SI: variants seen among roughly 807,000 people sequenced by gnomAD.
SI encodes the protein sucrase-isomaltase, intestinal.
Under a neutral mutation model 253.3 loss-of-function variants are expected in SI, and 235 were observed. The observed-to-expected ratio is 0.93, with a 90% CI of 0.83 to 1.03. The LOEUF (loss-of-function observed/expected upper bound fraction) is 1.03. SI is among the 50% of genes least tolerant of loss of function. SI has a pLI of 0.00. For synonymous variants in SI, 819 were observed against 712.0 expected (o/e 1.15, Z -2.39); for missense variants, 2,442 against 2,211.1 (o/e 1.10, Z -2.09).
In SI at chr3:165,065,464, AATATAT is replaced by A. The variant is rs66946322; in HGVS notation, c.636-38_636-33del. 1.1e-3 allele frequency: 229 copies of A among 209,642 alleles called. 13 individuals are homozygous for A. The highest frequency in any genetic ancestry group is 6.4e-3 in the African/African-American group (151 of 23,640). 13.0% of individuals were successfully genotyped at this position (209,642 alleles called of 1,614,324 possible). A position where few individuals can be genotyped will look rare whatever the true frequency, so the allele number is the denominator to read the frequency against. On this transcript the variant is annotated intron_variant, in intron 6 of 47. Coordinates refer to ENST00000264382, the MANE Select transcript of SI (RefSeq NM_001041.4). ...CATAAAAGAAATAAAGAAATAATCT[AATATAT>A]ATATATATATATATATATATATATG...
At chr3:165,000,090 T>C (rs1718191047) in intron 37 of SI, among the ~76,000 whole-genome samples, 1 of 151,130 alleles carries the variant, frequency 6.6e-6, no homozygotes, top group Admixed American at 6.6e-5. Context: ...TATATGAAAA[T>C]GTATTTTTGG....
At chr3:165,003,115 T>C (rs1718333494) in intron 37 of SI, among the ~76,000 whole-genome samples, 1 of 151,876 alleles carries the variant, frequency 6.6e-6, no homozygotes, top group Admixed American at 6.6e-5. Flanking sequence ...TACCTGTGAT[T>C]ATAACAGGAT....
In SI at chr3:165,038,038, G is replaced by T. The variant is rs1712621771; in HGVS notation, c.2302-14C>A. Reference sequence around the variant, plus strand: ...CCTTTTTGCACCCTAATAATTGGAAGATTAAAAACATTCTTAATATTATTG... The same window carrying T: ...CCTTTTTGCACCCTAATAATTGGAATATTAAAAACATTCTTAATATTATTG... On this transcript the variant is annotated splice_polypyrimidine_tract_variant and intron_variant, in intron 20 of 47. Coordinates refer to ENST00000264382, the MANE Select transcript of SI (RefSeq NM_001041.4). The T allele has an allele frequency of 6.3e-7, 1 of 1,574,994 alleles. No individual in the cohort carries two copies. Among genetic ancestry groups the T allele is most frequent in the African/African-American group, 1.3e-5 (1 of 74,106 alleles).
chr3:164,991,917 A>G (rs1237382228), intron 43 of SI, among the ~76,000 whole-genome samples: 1 of 152,068 alleles, frequency 6.6e-6, no homozygotes, highest in Non-Finnish European at 1.5e-5. Context: ...ATAAAAGACA[A>G]TTATCTTTTT....
At chr3:165,046,396 T>C (rs1713116553) in intron 16 of SI, among the ~76,000 whole-genome samples, 1 of 97,734 alleles carries the variant, frequency 1.0e-5, no homozygotes, top group African/African-American at 3.2e-5. Context: ...TTTGAAATTT[T>C]AAACGTTTTT....
At chr3:164,991,188 A>G (rs1717717265) in intron 44 of SI, among the ~76,000 whole-genome samples, 165 bp downstream of exon 44, 2 of 152,126 alleles carry the variant, frequency 1.3e-5, no homozygotes, top group Admixed American at 6.6e-5. Flanking sequence ...TTGCTATGCT[A>G]TAAACCACAA....
chr3:164,987,705 C>T (rs1186554478), intron 44 of SI, among the ~76,000 whole-genome samples: 1 of 149,010 alleles, frequency 6.7e-6, no homozygotes, highest in Middle Eastern at 3.4e-3. Flanking sequence ...AAGACTCCAT[C>T]AAAAAAAAAA....
intron 44 of SI, among the ~76,000 whole-genome samples, chr3:164,990,002 T>C (rs1576869714): frequency 6.6e-6 from 1 of 152,104 alleles, no homozygotes; most frequent in African/African-American, 2.4e-5. Context: ...TGGATGCGGG[T>C]CATCATACAT....
intron 5 of SI, among the ~76,000 whole-genome samples, chr3:165,067,907 T>C (rs759508537): frequency 1.3e-5 from 2 of 151,838 alleles, no homozygotes; most frequent in African/African-American, 4.8e-5. Context: ...AAAAAAATTA[T>C]AGAAACTAAA....
At chr3:164,987,769 T>C (rs1272713140) in intron 44 of SI, among the ~76,000 whole-genome samples, 1 of 152,182 alleles carries the variant, frequency 6.6e-6, no homozygotes, top group Non-Finnish European at 1.5e-5. Flanking sequence ...CAAGGTTTCA[T>C]GTAATGTAAC....
chr3:165,038,555 T>C (rs1243024640), intron 20 of SI, among the ~76,000 whole-genome samples: 5 of 74,446 alleles, frequency 6.7e-5, no homozygotes, highest in African/African-American at 1.8e-4. Flanking sequence ...TAAAAAAAAA[T>C]TCAAAAAAAA....
chr3:165,014,835 C>G (rs900081335), intron 33 of SI, among the ~76,000 whole-genome samples: 3 of 151,876 alleles, frequency 2.0e-5, no homozygotes, highest in African/African-American at 7.3e-5. Flanking sequence ...TAATGAGTAG[C>G]CATCTTACTA....
intron 3 of SI, among the ~76,000 whole-genome samples, chr3:165,073,649 T>A (rs546919832): frequency 6.6e-6 from 1 of 152,068 alleles, no homozygotes; most frequent in Non-Finnish European, 1.5e-5. Context: ...AAAATGTCAA[T>A]ATATAGAGTC....
chr3:165,012,115 T>G (rs1718800494), intron 34 of SI, among the ~76,000 whole-genome samples: 1 of 152,176 alleles, frequency 6.6e-6, no homozygotes, highest in South Asian at 2.1e-4. Flanking sequence ...GTTTAGGATG[T>G]TATACTGAGT....
chr3:165,082,862 T>C (rs1009110551), upstream of SI, among the ~76,000 whole-genome samples: 1 of 151,992 alleles, frequency 6.6e-6, no homozygotes. Context: ...GGTCTCTTAG[T>C]AACAGGAAGT....
chr3:165,043,000 C>T (rs549453447), intron 17 of SI, 59 bp downstream of exon 17: 1 of 985,506 alleles, frequency 1.0e-6, no homozygotes, highest in African/African-American at 1.6e-5. Context: ...AATTTAAGTA[C>T]ATTAATAAAA....
At chr3:164,992,571 G>A (rs964155559) in intron 41 of SI, among the ~76,000 whole-genome samples, 174 bp from the exon 42 acceptor site, 1 of 151,862 alleles carries the variant, frequency 6.6e-6, no homozygotes, top group African/African-American at 2.4e-5. Context: ...ACAATGCTCA[G>A]CAGTATAATA....
chr3:165,015,968 C>T lies in SI; in HGVS notation c.3872G>A (p.Arg1291Lys), dbSNP rs889720784. 1.9e-6 allele frequency: 3 copies of T among 1,610,306 alleles called. No homozygotes were observed. Among genetic ancestry groups the T allele is most frequent in the East Asian group, 2.2e-5 (1 of 44,766 alleles). ...AGTACTGACCAGGATAATAATGTAT[C>T]TCATTCCTTCTCCTCTTATTTTGTC... ...FVDKIRGEGMRYIIILDPAIS... is the reference protein window; with the variant it reads ...FVDKIRGEGMKYIIILDPAIS... Residue 1291 changes from arginine (R) to lysine (K), a missense_variant, in exon 32 of 48, where the codon AGA (arginine) becomes AAA (lysine). By Grantham distance (26) the Arg-to-Lys change is conservative. Transcript: ENST00000264382.
chr3:165,030,894 A>G (rs2108202929), intron 24 of SI, 27 bp from the exon 25 acceptor site: 1 of 1,522,624 alleles, frequency 6.6e-7, no homozygotes, highest in East Asian at 2.4e-5. Flanking sequence ...AAAAAAAGAA[A>G]AAAAGAAAAA....
Sources: allele counts gnomAD v4.1 joint callset (sites outside exome capture counted in the v4.1 genomes callset), GRCh38; gene constraint gnomAD v4.1.1; transcripts MANE v1.5; gene names NCBI Gene and HGNC (gene_info 2026-07-23, HGNC 2026-07-21).